The following HIF1A variants were observed in gnomAD, a reference collection of about 807,000 sequenced individuals.
HIF1A encodes hypoxia-inducible factor 1-alpha.
HIF1A carries 24 observed loss-of-function variants against 92.7 expected under a neutral mutation model. The observed-to-expected ratio is 0.26, with a 90% CI of 0.19 to 0.36. The LOEUF is 0.36. HIF1A is among the 10% of genes least tolerant of loss of function. HIF1A has a pLI of 1.00. For synonymous variants in HIF1A, 319 were observed against 338.7 expected (o/e 0.94, Z 0.64); for missense variants, 799 against 998.5 (o/e 0.80, Z 2.69).
At chr14:61,734,533 GA>G (rs1263932600) in intron 8 of HIF1A, among the ~76,000 whole-genome samples, 2 of 151,958 alleles carry the variant, frequency 1.3e-5, no homozygotes, top group African/African-American at 4.8e-5. Context: ...AAAAGACCAT[GA>G]AAAAAATACC....
Position 61,734,123 on chromosome 14 carries a change from TC to T in HIF1A, c.881-14del, listed in dbSNP as rs777488898. Reference sequence around the variant, plus strand: ...AATATTTTCTCTGCATGATTCTTTTTCTTTTCCCCCCTAGTGTTTACTAAAG... The same window carrying T: ...AATATTTTCTCTGCATGATTCTTTTTTTTTCCCCCCTAGTGTTTACTAAAG... On this transcript the variant is annotated splice_polypyrimidine_tract_variant and intron_variant, in intron 7 of 14. Transcript: ENST00000337138. 1.3e-6 allele frequency: 2 copies of T among 1,512,816 alleles called. No homozygotes were observed. The highest frequency in any genetic ancestry group is 1.3e-5 in the South Asian group (1 of 76,922). The allele number at this position is 1,512,816 out of a possible 1,614,324, so 93.7% of individuals were successfully genotyped here. A position where few individuals can be genotyped will look rare whatever the true frequency, so the allele number is the denominator to read the frequency against.
chr14:61,698,460 A>G (rs1330470206), intron 1 of HIF1A, among the ~76,000 whole-genome samples: 1 of 152,236 alleles, frequency 6.6e-6, no homozygotes, highest in African/African-American at 2.4e-5. Context: ...AGGTTAAATG[A>G]GATAATGCTT....
Position 61,745,828 on chromosome 14 carries a change from T to C in HIF1A, c.2329+11T>C, listed in dbSNP as rs1051990214. 7 of 1,597,900 alleles carry C rather than the reference T, an allele frequency of 4.4e-6. No individual in the cohort carries two copies. Among genetic ancestry groups the C allele is most frequent in the Non-Finnish European group, 5.1e-6 (6 of 1,170,670 alleles). ...TTTTAATACCCTCTGGTTAGTTTAT[T>C]CTTTTTGACCTTGAACATCACAAAG... On this transcript the variant is annotated intron_variant, in intron 14 of 14. Coordinates refer to ENST00000337138, the MANE Select transcript of HIF1A (RefSeq NM_001530.4).
intron 1 of HIF1A, among the ~76,000 whole-genome samples, chr14:61,719,967 T>C (rs1341275367): frequency 2.0e-5 from 3 of 152,238 alleles, no homozygotes; most frequent in African/African-American, 7.2e-5. Flanking sequence ...TTTCAAGTTA[T>C]TATGTACAAC....
intron 1 of HIF1A, among the ~76,000 whole-genome samples, chr14:61,718,479 C>CT (rs2044388146): frequency 6.6e-6 from 1 of 152,164 alleles, no homozygotes; most frequent in African/African-American, 2.4e-5. Context: ...AGATACCCCC[C>CT]CATCCTGGGA....
At chr14:61,708,100 G>A (rs2031438960) in intron 1 of HIF1A, among the ~76,000 whole-genome samples, 1 of 152,222 alleles carries the variant, frequency 6.6e-6, no homozygotes, top group Non-Finnish European at 1.5e-5. Flanking sequence ...CAGCATAAAT[G>A]TCGTCTTTTG....
chr14:61,744,860 CGTGTGTGTGT>C (rs60361955), intron 13 of HIF1A, 47 bp downstream of exon 13: 305 of 531,184 alleles, frequency 5.7e-4, no homozygotes, highest in African/African-American at 2.4e-3. Flanking sequence ...TGTGCTATTT[CGTGTGTGTGT>C]GTGTGTGTGT....
chr14:61,735,724 G>A (rs191105209), intron 8 of HIF1A, among the ~76,000 whole-genome samples: 19 of 152,268 alleles, frequency 1.2e-4, no homozygotes, highest in South Asian at 4.1e-4. Flanking sequence ...CTCTTCAGCC[G>A]TATCCTGTAG....
chr14:61,724,768 C>T (rs2044482464), intron 4 of HIF1A, among the ~76,000 whole-genome samples: 1 of 152,140 alleles, frequency 6.6e-6, no homozygotes, highest in Admixed American at 6.5e-5. Context: ...TGCCACCATT[C>T]TTTTCCCTCA....
At chr14:61,697,545 G>T in intron 1 of HIF1A, 1 of 263,086 alleles carries the variant, frequency 3.8e-6, no homozygotes, top group Non-Finnish European at 6.2e-6. Context: ...TAATAAATTA[G>T]CTACTGTTCA....
At position 61,738,333 on chromosome 14, in the gene HIF1A, C is replaced by G. The variant is rs767844548; in HGVS notation, c.1496C>G (p.Pro499Arg). 4 of 1,613,024 alleles carry G rather than the reference C, an allele frequency of 2.5e-6. No homozygotes were observed. In the South Asian group the frequency reaches 3.3e-5, roughly 13 times the overall value. Residue 499 changes from proline (P) to arginine (R), a missense_variant, in exon 10 of 15, where the codon CCT (proline) becomes CGT (arginine). By Grantham distance (103) the Pro-to-Arg change is moderately radical. Around this residue, in one of 2 missense-constraint regions of HIF1A, gnomAD observed 516 missense variants for 721.0 expected, o/e 0.72. Transcript: ENST00000337138. ...ATGCCCCAGATTCAGGATCAGACACCTAGTCCTTCCGATGGAAGCACTAGA... is the reference window on the plus strand; with the variant it reads ...ATGCCCCAGATTCAGGATCAGACACGTAGTCCTTCCGATGGAAGCACTAGA... ...FTMPQIQDQTPSPSDGSTRQS... is the reference protein window; with the variant it reads ...FTMPQIQDQTRSPSDGSTRQS...
chr14:61,742,920 A>G (rs1269301333), intron 12 of HIF1A, among the ~76,000 whole-genome samples: 1 of 135,024 alleles, frequency 7.4e-6, no homozygotes, highest in African/African-American at 2.7e-5. Flanking sequence ...TGTTGGACTG[A>G]CAGATGCATG....
At chr14:61,733,490 C>T (rs56946275) in intron 7 of HIF1A, among the ~76,000 whole-genome samples, 2,579 of 152,316 alleles carry the variant, frequency 0.017, 114 homozygotes, top group East Asian at 0.15. Context: ...TTTGGACTAT[C>T]TCACCTGTTT....
At position 61,728,320 on chromosome 14, in the gene HIF1A, C is replaced by G. The variant is rs189520728; in HGVS notation, c.773+665C>G. On this transcript the variant is annotated intron_variant, in intron 6 of 14. Coordinates refer to ENST00000337138, the MANE Select transcript of HIF1A (RefSeq NM_001530.4). ...AAAGCCAAGTGTTTGTACATCTCTT[C>G]ATCCTACATATTTTCCCTGAGAAGC... 3.9e-4 allele frequency among the ~76,000 whole-genome samples: 60 copies of G among 152,338 alleles called. 1 individual carries two copies. In the East Asian group the frequency reaches 6.9e-3, roughly 18 times the overall value.
chr14:61,733,889 T>A (rs2044605469), intron 7 of HIF1A, among the ~76,000 whole-genome samples: 1 of 152,192 alleles, frequency 6.6e-6, no homozygotes, highest in Admixed American at 6.5e-5. Flanking sequence ...CTGAAGATTG[T>A]ATATTCATGA....
intron 1 of HIF1A, chr14:61,717,166 G>T (rs2044373135): frequency 6.6e-6 from 1 of 152,104 alleles, no homozygotes; most frequent in Non-Finnish European, 1.5e-5. Flanking sequence ...ATCTCTGTGG[G>T]ACCTAGACCC....
chr14:61,725,292 T>A (rs2044489975), intron 4 of HIF1A, among the ~76,000 whole-genome samples: 1 of 152,372 alleles, frequency 6.6e-6, no homozygotes, highest in African/African-American at 2.4e-5. Flanking sequence ...AGGTGGCGTA[T>A]CTTACTCATC....
intron 2 of HIF1A, 47 bp downstream of exon 2, chr14:61,720,619 A>G (rs761055520): frequency 8.6e-7 from 1 of 1,165,540 alleles, no homozygotes; most frequent in Admixed American, 2.7e-5. Flanking sequence ...ATTAGAAGTT[A>G]GAAGTAAATA....
chr14:61,732,626 C>A, intron 7 of HIF1A, 102 bp downstream of exon 7: 2 of 698,624 alleles, frequency 2.9e-6, no homozygotes, highest in Admixed American at 2.2e-5. Flanking sequence ...AAGTTCTAGA[C>A]TAAATGTGTT....
Sources: allele counts gnomAD v4.1 joint callset (sites outside exome capture counted in the v4.1 genomes callset), GRCh38; gene constraint gnomAD v4.1.1; regional missense constraint gnomAD v4.1.1; transcripts MANE v1.5; gene names NCBI Gene and HGNC (gene_info 2026-07-23, HGNC 2026-07-21).